Variants in RPH3AL observed in about 807,000 individuals in gnomAD.
RPH3AL encodes rabphilin 3A like (without C2 domains).
A neutral mutation model predicts 43.1 loss-of-function variants in RPH3AL; 38 were observed. The observed-to-expected ratio is 0.88, with a 90% CI of 0.68 to 1.15. RPH3AL has a LOEUF of 1.15. Among genes scored for constraint, RPH3AL ranks in the 50% most tolerant of loss-of-function variants. The pLI is 0.00. For synonymous variants in RPH3AL, 189 were observed against 176.3 expected (o/e 1.07, Z -0.57); for missense variants, 462 against 423.2 (o/e 1.09, Z -0.81).
At chr17:279,714 CA>C (rs1340899107) in intron 6 of RPH3AL, among the ~76,000 whole-genome samples, 1 of 152,210 alleles carries the variant, frequency 6.6e-6, no homozygotes, top group African/African-American at 2.4e-5. Context: ...TTTCATCCCA[CA>C]AAGTGTCTCC....
rs113321462 is a variant in RPH3AL at position 273,127 on chromosome 17, C to T, written c.438+8641G>A. On this transcript the variant is annotated intron_variant, in intron 6 of 9. Transcript: ENST00000331302. ...CAGGGAGAGACCCCAGCGAGGGTGACGTCAGGGAGAGACCCCAGCGAGGGT... is the reference window on the plus strand; with the variant it reads ...CAGGGAGAGACCCCAGCGAGGGTGATGTCAGGGAGAGACCCCAGCGAGGGT... 1.2e-3 allele frequency among the ~76,000 whole-genome samples: 79 copies of T among 67,850 alleles called. 1 individual carries two copies. The highest frequency in any genetic ancestry group is 1.5e-3 in the South Asian group (2 of 1,300). The allele number at this position is 67,850 out of a possible 152,430, so 44.5% of individuals were successfully genotyped here. A position where few individuals can be genotyped will look rare whatever the true frequency, so the allele number is the denominator to read the frequency against.
At chr17:337,733 G>A (rs974001696) in intron 1 of RPH3AL, among the ~76,000 whole-genome samples, 12 of 152,354 alleles carry the variant, frequency 7.9e-5, no homozygotes, top group Admixed American at 3.3e-4. Flanking sequence ...CACCAGGCCC[G>A]TGCCCAGCCG....
intron 6 of RPH3AL, among the ~76,000 whole-genome samples, chr17:279,558 C>T (rs765487811): frequency 2.0e-5 from 3 of 152,150 alleles, no homozygotes; most frequent in Non-Finnish European, 2.9e-5. Context: ...AAGACTGTTA[C>T]GGAGTGTGAG....
chr17:321,700 C>T (rs1270811255), intron 3 of RPH3AL: 3 of 404,404 alleles, frequency 7.4e-6, no homozygotes, highest in African/African-American at 2.1e-5. Context: ...GGGGACAAGG[C>T]ACATGGGCAA....
intron 5 of RPH3AL, among the ~76,000 whole-genome samples, chr17:292,837 C>G (rs564166488): frequency 2.0e-5 from 3 of 152,232 alleles, no homozygotes; most frequent in Admixed American, 1.3e-4. Context: ...GGGAGCACGC[C>G]GAGCCCTGGA....
chr17:235,843 A>T (rs2041372932), intron 7 of RPH3AL, among the ~76,000 whole-genome samples: 1 of 143,550 alleles, frequency 7.0e-6, no homozygotes, highest in Non-Finnish European at 1.5e-5. Flanking sequence ...CACTAACAAG[A>T]CAGGTCCCGG....
At chr17:258,131 C>G (rs913470733) in intron 6 of RPH3AL, among the ~76,000 whole-genome samples, 1 of 152,208 alleles carries the variant, frequency 6.6e-6, no homozygotes, top group Non-Finnish European at 1.5e-5. Context: ...GGATGGATCA[C>G]GTTTTGTCGT....
chr17:307,692 C>T (rs1202132065), intron 5 of RPH3AL, among the ~76,000 whole-genome samples: 1 of 152,214 alleles, frequency 6.6e-6, no homozygotes, highest in Non-Finnish European at 1.5e-5. Context: ...CCAAGCCCAC[C>T]CTGGGTCTCT....
chr17:338,670 T>C (rs2045026112), intron 1 of RPH3AL: 9 of 152,192 alleles, frequency 5.9e-5, no homozygotes, highest in Admixed American at 5.9e-4. Context: ...GCTATTTGTC[T>C]TTTAATGCAG....
chr17:235,884 AGTAACAAGAGGGATACAGGGTTCAAAGC>A (rs1415543346), intron 7 of RPH3AL, among the ~76,000 whole-genome samples: 9 of 144,356 alleles, frequency 6.2e-5, no homozygotes, highest in African/African-American at 1.3e-4. Context: ...GAGGCTCTGC[AGTAACAAGAGGGATACAGGGTTCAAAGC>A]TGGGGTCGGC....
chr17:331,319 G>T, intron 2 of RPH3AL: 1 of 316,810 alleles, frequency 3.2e-6, no homozygotes. Flanking sequence ...GATCAAGGGA[G>T]ACGGAAGGAT....
chr17:342,468 C>T (rs1304069931), intron 1 of RPH3AL, among the ~76,000 whole-genome samples: 1 of 152,170 alleles, frequency 6.6e-6, no homozygotes, highest in Non-Finnish European at 1.5e-5. Context: ...TGTCCATCAA[C>T]TGGGAAAAGG....
At chr17:340,227 A>T (rs2045074566) in intron 1 of RPH3AL, among the ~76,000 whole-genome samples, 1 of 151,856 alleles carries the variant, frequency 6.6e-6, no homozygotes. Context: ...ACACCTCAAA[A>T]TCAAGCCCAG....
chr17:325,362 T>C (rs1049388859), intron 3 of RPH3AL, among the ~76,000 whole-genome samples: 2 of 152,164 alleles, frequency 1.3e-5, no homozygotes, highest in Admixed American at 1.3e-4. Flanking sequence ...GACCAGGCCC[T>C]GCCCCTGGCC....
At chr17:272,071 A>C (rs551760369) in intron 6 of RPH3AL, among the ~76,000 whole-genome samples, 39 of 152,350 alleles carry the variant, frequency 2.6e-4, no homozygotes, top group African/African-American at 8.9e-4. Context: ...ATCTCACACC[A>C]GTTAGAATGG....
rs1445169004 is a variant in RPH3AL, at chr17:322,760, G to C, written c.78-1345C>G. On this transcript the variant is annotated intron_variant, in intron 3 of 9. Transcript: ENST00000331302. This position sits in a 1 kb window ranked among gnomAD's most constrained non-coding sequence, Gnocchi z 4.0. ...GTGGTCTCATGTCCTGCCTGGTCCC[G>C]GCTGTTGCAGCTAACGGTTCTCTGT... Among the ~76,000 whole-genome samples, 1 of 152,076 alleles carries C rather than the reference G, an allele frequency of 6.6e-6. No homozygotes were observed. Among genetic ancestry groups the C allele is most frequent in the Non-Finnish European group, 1.5e-5 (1 of 68,006 alleles).
At chr17:348,592 T>G (rs780917076) in intron 1 of RPH3AL, among the ~76,000 whole-genome samples, 8 of 152,092 alleles carry the variant, frequency 5.3e-5, no homozygotes, top group Non-Finnish European at 8.8e-5. Context: ...TTAATTTTCT[T>G]CTTCATAGAG....
At chr17:335,221 C>G (rs1200240305) in intron 1 of RPH3AL, among the ~76,000 whole-genome samples, 1 of 152,022 alleles carries the variant, frequency 6.6e-6, no homozygotes, top group Non-Finnish European at 1.5e-5. Context: ...TGCAGGTGTC[C>G]GGGTGAGACT....
chr17:325,938 G>C (rs752073185), intron 3 of RPH3AL, among the ~76,000 whole-genome samples: 18 of 152,202 alleles, frequency 1.2e-4, no homozygotes, highest in Non-Finnish European at 2.9e-5. Flanking sequence ...TGCACCCCAG[G>C]GGAGGGGATA....
Sources: gnomAD v4.1 joint callset for allele counts (sites outside exome capture counted in the v4.1 genomes callset) on GRCh38, gnomAD v4.1.1 for gene constraint, Gnocchi (gnomAD v3.1) non-coding constraint, MANE v1.5 for transcripts, NCBI Gene and HGNC (gene_info 2026-07-23, HGNC 2026-07-21) for gene names.